NUMB: variants seen among roughly 807,000 people sequenced by gnomAD.
The protein encoded by NUMB is NUMB endocytic adaptor protein.
Under a neutral mutation model 59.7 loss-of-function variants are expected in NUMB, and 29 were observed. That is an observed-to-expected ratio of 0.49 (90% CI 0.36 to 0.66). NUMB has a LOEUF of 0.66. NUMB is among the 30% of genes least tolerant of loss of function. The pLI, the probability that NUMB is intolerant of heterozygous loss-of-function variation, is 0.00. For missense variants in NUMB, 723 were observed against 822.0 expected (o/e 0.88, Z 1.47); for synonymous variants, 288 against 288.2 (o/e 1.00, Z 0.01).
At chr14:73,334,520 A>G (rs937470399) in intron 4 of NUMB, among the ~76,000 whole-genome samples, 21 of 152,214 alleles carry the variant, frequency 1.4e-4, no homozygotes, top group African/African-American at 4.8e-4. Flanking sequence ...TTAGATAAAG[A>G]GACAGTTTTT....
chr14:73,409,329 C>T (rs991793686), intron 2 of NUMB: 2 of 152,258 alleles, frequency 1.3e-5, no homozygotes, highest in Admixed American at 6.5e-5. Flanking sequence ...TGCTCTCTCT[C>T]TCGGAACCCA....
chr14:73,451,508 G>A (rs1379288948), intron 1 of NUMB, among the ~76,000 whole-genome samples: 3 of 151,684 alleles, frequency 2.0e-5, no homozygotes, highest in Admixed American at 1.3e-4. Context: ...CCAGCTACTC[G>A]GTAGCCTGAC....
chr14:73,395,751 T>C (rs967723415), intron 2 of NUMB, among the ~76,000 whole-genome samples: 1 of 152,350 alleles, frequency 6.6e-6, no homozygotes, highest in East Asian at 1.9e-4. Context: ...GGTATTCATA[T>C]GTATAGCTAC....
chr14:73,423,736 G>C (rs964270657), intron 1 of NUMB, among the ~76,000 whole-genome samples: 1 of 152,086 alleles, frequency 6.6e-6, no homozygotes, highest in Non-Finnish European at 1.5e-5. Flanking sequence ...CTTGAATCCA[G>C]GAGGCAGAGG....
At chr14:73,333,692 C>T (rs1892120597) in intron 4 of NUMB, among the ~76,000 whole-genome samples, 1 of 151,850 alleles carries the variant, frequency 6.6e-6, no homozygotes, top group South Asian at 2.1e-4. Flanking sequence ...TTTTCACTTT[C>T]TTGATAATAT....
At chr14:73,388,134 C>G (rs1216562254) in intron 2 of NUMB, among the ~76,000 whole-genome samples, 1 of 152,084 alleles carries the variant, frequency 6.6e-6, no homozygotes, top group Non-Finnish European at 1.5e-5. Context: ...AACTTCAGTT[C>G]CTCAAACTAG....
chr14:73,296,737 T>TACCTTAG lies in NUMB; in HGVS notation c.309+467_309+473dup, dbSNP rs1889798131. 2.0e-5 allele frequency among the ~76,000 whole-genome samples: 3 copies of TACCTTAG among 152,078 alleles called. No individual in the cohort carries two copies. In the South Asian group the frequency reaches 6.2e-4, roughly 32 times the overall value. ...GTCCCATTTAAGCTTATAAGAATCT[T>TACCTTAG]ACCTTAGGCCAGGCGTGGTGGCTCA... On this transcript the variant is annotated intron_variant, in intron 7 of 12. Transcript: ENST00000555238.
At chr14:73,294,141 C>A (rs1458158788) in intron 7 of NUMB, among the ~76,000 whole-genome samples, 1 of 152,140 alleles carries the variant, frequency 6.6e-6, no homozygotes, top group Non-Finnish European at 1.5e-5. Flanking sequence ...TTGGTTTTAT[C>A]AGGTAGCTAA....
In NUMB at chr14:73,275,516, A is replaced by G. The variant is rs1054760096; in HGVS notation, c.*1062T>C. ...ACCAAGACCCATATTACAAACCAAT[A>G]TGGTAACCTGTGTTCCCTTCTATGG... On this transcript the variant is annotated 3_prime_UTR_variant, in exon 13 of 13. Coordinates refer to ENST00000555238, the MANE Select transcript of NUMB (RefSeq NM_001005743.2). 6.6e-6 allele frequency: 1 copy of G among 152,236 alleles called. No individual in the cohort carries two copies. Among genetic ancestry groups the G allele is most frequent in the Non-Finnish European group, 1.5e-5 (1 of 68,036 alleles). 9.4% of individuals were successfully genotyped at this position (152,236 alleles called of 1,614,324 possible).
chr14:73,424,999 TA>T (rs1897519794), intron 1 of NUMB, among the ~76,000 whole-genome samples: 1 of 152,224 alleles, frequency 6.6e-6, no homozygotes, highest in Non-Finnish European at 1.5e-5. Flanking sequence ...TTCTTTCTCC[TA>T]AAAGATCTTT....
intron 12 of NUMB, among the ~76,000 whole-genome samples, chr14:73,277,695 G>C (rs1888273162): frequency 6.6e-6 from 1 of 151,866 alleles, no homozygotes; most frequent in Non-Finnish European, 1.5e-5. Flanking sequence ...CCAAGAGCTG[G>C]AGGCTGCAGT....
At chr14:73,287,507 A>G (rs2139817919) in intron 8 of NUMB, among the ~76,000 whole-genome samples, 193 bp from the exon 9 acceptor site, 1 of 152,038 alleles carries the variant, frequency 6.6e-6, no homozygotes, top group East Asian at 1.9e-4. Context: ...CCTCCTGAGT[A>G]GCTGGGACTA....
intron 3 of NUMB, among the ~76,000 whole-genome samples, chr14:73,356,470 C>T (rs1893788947): frequency 6.6e-6 from 1 of 152,068 alleles, no homozygotes; most frequent in Admixed American, 6.6e-5. Flanking sequence ...TGGCAAAACC[C>T]CGCCTCTACT....
chr14:73,388,929 C>G (rs1039899582), intron 2 of NUMB, among the ~76,000 whole-genome samples: 5 of 152,050 alleles, frequency 3.3e-5, no homozygotes, highest in Admixed American at 1.3e-4. Context: ...AACCCCGTCT[C>G]TACCAAACAA....
chr14:73,291,919 C>T (rs1172242854), intron 8 of NUMB, among the ~76,000 whole-genome samples: 1 of 146,646 alleles, frequency 6.8e-6, no homozygotes, highest in Non-Finnish European at 1.5e-5. Flanking sequence ...CTCCTGACCT[C>T]GTGATCCGCC....
At position 73,277,167 on chromosome 14, in the gene NUMB, G is replaced by T. The variant is rs757155790; in HGVS notation, c.1367C>A (p.Pro456His). The T allele has an allele frequency of 5.6e-6, 9 of 1,613,906 alleles. No individual in the cohort carries two copies. Among genetic ancestry groups the T allele is most frequent in the Admixed American group, 1.7e-5 (1 of 60,002 alleles). ...CTGCAGAGGAGCAGCTGAGGCCTGG[G>T]GCTGCTGAGCCCGGACGCTCTTAGA... is the stretch of plus-strand genomic sequence containing the variant. ...EVSKSVRAQQPQASAAPLQPV... is the reference protein window; with the variant it reads ...EVSKSVRAQQHQASAAPLQPV... Residue 456 changes from proline (P) to histidine (H), a missense_variant, in exon 13 of 13, where the codon CCC (proline) becomes CAC (histidine). Transcript: ENST00000555238.
At chr14:73,286,909 A>C (rs932405800) in intron 9 of NUMB, 2 of 590,780 alleles carry the variant, frequency 3.4e-6, no homozygotes, top group Non-Finnish European at 6.0e-6. Context: ...ATAGCTTACT[A>C]TAATGGAGTA....
rs375864488 is a variant in NUMB, at chr14:73,283,183, T to C, written c.950-678A>G. Among the ~76,000 whole-genome samples the C allele has an allele frequency of 8.5e-5, 13 of 152,310 alleles. No homozygotes were observed. The South Asian group carries it at 1.2e-3, about 15-fold the overall frequency. ...TCTGTTTGCTCATCTGTAAAGAGAA[T>C]AATAGTTTTTATTCCCTGTCTGCCC... On this transcript the variant is annotated intron_variant, in intron 10 of 12. Transcript: ENST00000555238.
At chr14:73,314,700 T>C (rs1227147716) in intron 6 of NUMB, among the ~76,000 whole-genome samples, 2 of 152,064 alleles carry the variant, frequency 1.3e-5, no homozygotes, top group South Asian at 2.1e-4. Flanking sequence ...CTTCATCTTA[T>C]CTATGACGCC....
Sources: gnomAD v4.1 joint callset for allele counts (sites outside exome capture counted in the v4.1 genomes callset) on GRCh38, gnomAD v4.1.1 for gene constraint, MANE v1.5 for transcripts, NCBI Gene and HGNC (gene_info 2026-07-23, HGNC 2026-07-21) for gene names.